The following GRXCR2 variants were observed in gnomAD, a reference collection of about 807,000 sequenced individuals.
GRXCR2 encodes glutaredoxin and cysteine rich domain containing 2.
Under a neutral mutation model 24.8 loss-of-function variants are expected in GRXCR2, and 23 were observed. The ratio of observed to expected loss-of-function variants is 0.93; its 90% CI spans 0.67 to 1.32. The LOEUF (loss-of-function observed/expected upper bound fraction) is 1.32, where lower values mean the gene tolerates loss of function less well. Ranked by LOEUF, GRXCR2 falls within the 40% of genes most tolerant of loss-of-function variation. GRXCR2 has a pLI of 0.00. For missense variants in GRXCR2, 315 were observed against 303.4 expected (o/e 1.04, Z -0.28); for synonymous variants, 130 against 116.1 (o/e 1.12, Z -0.77).
At chr5:145,871,061 C>A (rs1379286332) in intron 1 of GRXCR2, among the ~76,000 whole-genome samples, 14 of 151,794 alleles carry the variant, frequency 9.2e-5, no homozygotes, top group Non-Finnish European at 2.9e-5. Flanking sequence ...ACAGATGAGA[C>A]CCTGTCTCTA....
intron 2 of GRXCR2, among the ~76,000 whole-genome samples, chr5:145,898,163 G>T (rs545586403): frequency 1.3e-5 from 2 of 151,838 alleles, no homozygotes; most frequent in South Asian, 4.2e-4. Context: ...AAATATAAAA[G>T]ATCCTCAGAG....
intron 2 of GRXCR2, among the ~76,000 whole-genome samples, chr5:145,930,098 T>A (rs1431640173): frequency 1.3e-5 from 2 of 152,102 alleles, no homozygotes; most frequent in African/African-American, 4.8e-5. Flanking sequence ...AAAACAATTT[T>A]TTTTGAGACA....
At position 145,886,960 on chromosome 5, in the gene GRXCR2, T is replaced by C. The variant is rs373849166; in HGVS notation, c.-69-20232A>G. 6.4e-4 allele frequency among the ~76,000 whole-genome samples: 97 copies of C among 152,348 alleles called. 2 individuals carry two copies. The South Asian group carries it at 0.019, about 30-fold the overall frequency. On this transcript the variant is annotated intron_variant, in intron 2 of 3. Transcript: ENST00000639411. Reference sequence around the variant, plus strand: ...GACTTTCTGTTAGAAGTATTTGATCTCTATTCAGATTTCATAAAATTTATA... The same window carrying C: ...GACTTTCTGTTAGAAGTATTTGATCCCTATTCAGATTTCATAAAATTTATA...
chr5:145,929,813 A>G (rs1049758502), intron 2 of GRXCR2, among the ~76,000 whole-genome samples: 2 of 152,126 alleles, frequency 1.3e-5, no homozygotes, highest in African/African-American at 4.8e-5. Context: ...GCACTTAAGA[A>G]TCTCTCACCA....
rs1184688476 is a variant in GRXCR2 at position 145,858,548 on chromosome 5, T to A, written c.*1185A>T. On this transcript the variant is annotated 3_prime_UTR_variant, in exon 3 of 3. Transcript: ENST00000377976. ...TTTTAGTCTTTTTTATTAGAATTATTTATATTGCCTGAAAAGCATTCCATT... is the reference window on the plus strand; with the variant it reads ...TTTTAGTCTTTTTTATTAGAATTATATATATTGCCTGAAAAGCATTCCATT... The A allele has an allele frequency of 2.0e-5, 3 of 152,140 alleles. No individual in the cohort carries two copies. Among genetic ancestry groups the A allele is most frequent in the Admixed American group, 1.3e-4 (2 of 15,270 alleles). The allele number at this position is 152,140 out of a possible 1,614,324, so 9.4% of individuals were successfully genotyped here.
At chr5:145,929,219 A>G (rs982279961) in intron 2 of GRXCR2, among the ~76,000 whole-genome samples, 1 of 146,158 alleles carries the variant, frequency 6.8e-6, no homozygotes, top group Non-Finnish European at 1.5e-5. Context: ...ATATATATAT[A>G]TATATCACCA....
chr5:145,894,085 C>A (rs1036514562), intron 2 of GRXCR2, among the ~76,000 whole-genome samples: 1 of 152,022 alleles, frequency 6.6e-6, no homozygotes, highest in Non-Finnish European at 1.5e-5. Context: ...TTGAAACCAA[C>A]GAGAACAAAG....
chr5:145,867,666 C>T (rs1430532078), intron 1 of GRXCR2, among the ~76,000 whole-genome samples: 2 of 152,152 alleles, frequency 1.3e-5, no homozygotes, highest in Admixed American at 6.6e-5. Context: ...AGCATCTAAA[C>T]AGATTTGGTT....
chr5:145,928,645 C>T (rs1390412501), intron 2 of GRXCR2, among the ~76,000 whole-genome samples: 2 of 150,764 alleles, frequency 1.3e-5, no homozygotes, highest in East Asian at 2.0e-4. Context: ...AGCAAACTAT[C>T]GCAAGGACAA....
In GRXCR2 at chr5:145,928,646, G is replaced by A. The variant is rs145514434; in HGVS notation, c.-70+7055C>T. ...AAACCATCATTCTTAGCAAACTATC[G>A]CAAGGACAAAAAACCAAACACCACA... On this transcript the variant is annotated intron_variant, in intron 2 of 3. Coordinates refer to the GRXCR2 transcript ENST00000639411. Among the ~76,000 whole-genome samples, 921 of 149,828 alleles carry A rather than the reference G, an allele frequency of 6.1e-3. 8 individuals are homozygous for A. Among genetic ancestry groups the A allele is most frequent in the African/African-American group, 0.021 (870 of 40,882 alleles).
At position 145,925,268 on chromosome 5, in the gene GRXCR2, C is replaced by T. The variant is rs56354895; in HGVS notation, c.-70+10433G>A. Among the ~76,000 whole-genome samples the T allele has an allele frequency of 2.4e-3, 366 of 152,222 alleles. 2 individuals are homozygous for T. Among genetic ancestry groups the T allele is most frequent in the African/African-American group, 8.3e-3 (345 of 41,542 alleles). ...AACTACCATAAGTTAGAAATGATGC[C>T]AGAAAAAGATAAACTATAGCTAAAA... is the stretch of plus-strand genomic sequence containing the variant. On this transcript the variant is annotated intron_variant, in intron 2 of 3. Transcript: ENST00000639411.
chr5:145,880,246 T>C (rs1295042681), intron 2 of GRXCR2, among the ~76,000 whole-genome samples: 1 of 151,934 alleles, frequency 6.6e-6, no homozygotes, highest in East Asian at 1.9e-4. Context: ...AAAAAATCAA[T>C]GAATCCAGGA....
At chr5:145,922,895 G>T (rs1225683756) in intron 2 of GRXCR2, among the ~76,000 whole-genome samples, 1 of 152,244 alleles carries the variant, frequency 6.6e-6, no homozygotes, top group Non-Finnish European at 1.5e-5. Context: ...TGTAAGGCCA[G>T]TGTAAGTATG....
At chr5:145,896,144 A>G (rs1344065808) in intron 2 of GRXCR2, among the ~76,000 whole-genome samples, 1 of 152,176 alleles carries the variant, frequency 6.6e-6, no homozygotes, top group African/African-American at 2.4e-5. Flanking sequence ...AGATGGATTA[A>G]AGACTTAAAT....
intron 2 of GRXCR2, among the ~76,000 whole-genome samples, chr5:145,902,972 A>G (rs1757044040): frequency 6.6e-6 from 1 of 152,220 alleles, no homozygotes; most frequent in Non-Finnish European, 1.5e-5. Context: ...TAGAGCTCAC[A>G]TCCTCAACCA....
In GRXCR2 at chr5:145,872,976, A is replaced by G. The variant is rs887920262; in HGVS notation, c.-8T>C. The G allele has an allele frequency of 3.1e-6, 5 of 1,612,620 alleles. No individual in the cohort carries two copies. The African/African-American group carries it at 6.7e-5, about 22-fold the overall frequency. On this transcript the variant is annotated 5_prime_UTR_variant, in exon 1 of 3. Coordinates refer to ENST00000377976, the MANE Select transcript of GRXCR2 (RefSeq NM_001080516.2). The stretch of plus-strand genomic sequence containing the variant: ...TTTCTCAGGGTCCTCCATCAGCAGA[A>G]AGTTGACCCTGTGGTCTCCAGCCTT...
chr5:145,877,221 A>G (rs1301290206), upstream of GRXCR2, among the ~76,000 whole-genome samples: 1 of 152,182 alleles, frequency 6.6e-6, no homozygotes, highest in African/African-American at 2.4e-5. Flanking sequence ...AATGTTCAAC[A>G]ATAGCAATGA....
chr5:145,864,757 T>C (rs1311238065), intron 2 of GRXCR2, among the ~76,000 whole-genome samples: 1 of 152,190 alleles, frequency 6.6e-6, no homozygotes, highest in Non-Finnish European at 1.5e-5. Flanking sequence ...CCTTTGTTTA[T>C]GTATTACTCA....
chr5:145,860,457 C>T (rs1756316366), intron 2 of GRXCR2, among the ~76,000 whole-genome samples: 1 of 152,156 alleles, frequency 6.6e-6, no homozygotes, highest in African/African-American at 2.4e-5. Flanking sequence ...GGTGGGCTCT[C>T]ATCTCAGCGA....
Sources: gnomAD v4.1 joint callset for allele counts (sites outside exome capture counted in the v4.1 genomes callset) on GRCh38, gnomAD v4.1.1 for gene constraint, MANE v1.5 for transcripts, NCBI Gene and HGNC (gene_info 2026-07-23, HGNC 2026-07-21) for gene names.